The following GPR83 variants were observed in gnomAD, a reference collection of about 807,000 sequenced individuals.
The protein encoded by GPR83 is G-protein coupled receptor 72.
GPR83 carries 23 observed loss-of-function variants against 28.0 expected under a neutral mutation model. That is an observed-to-expected ratio of 0.82 (90% CI 0.59 to 1.16). The LOEUF (loss-of-function observed/expected upper bound fraction) is 1.16, where lower values mean the gene tolerates loss of function less well. Among genes scored for constraint, GPR83 ranks in the 50% most tolerant of loss-of-function variants. GPR83 has a pLI of 0.00. For synonymous variants in GPR83, 234 were observed against 215.4 expected (o/e 1.09, Z -0.76); for missense variants, 610 against 536.6 (o/e 1.14, Z -1.35).
Position 94,380,668 on chromosome 11 carries a change from G to A in GPR83, c.753C>T (p.Pro251=), listed in dbSNP as rs778853958. The A allele has an allele frequency of 1.2e-6, 2 of 1,613,960 alleles. No homozygotes were observed. Among genetic ancestry groups the A allele is most frequent in the South Asian group, 2.2e-5 (2 of 91,050 alleles). Residue 251 remains proline (P), a synonymous_variant, in exon 4 of 4, where the codon CCC becomes CCT. Transcript: ENST00000243673. ...LATFILLYIL[P]LLIISVAYAR... is the part of the protein sequence containing the mutation. Reference sequence around the variant, plus strand: ...CGTAGGCCACAGAGATGATGAGGAGGGGCAGGATGTAGAGCAGGATGAAGG... The same window carrying A: ...CGTAGGCCACAGAGATGATGAGGAGAGGCAGGATGTAGAGCAGGATGAAGG...
Position 94,401,321 on chromosome 11 carries a change from C to A in GPR83, c.-74G>T, listed in dbSNP as rs1944910446. ...TCCCGCTGGGATCGGAGCGCGCAGC[C>A]GGGGTGCGGGGCGCACAGCATACAA... On this transcript the variant is annotated 5_prime_UTR_variant, in exon 1 of 4. Transcript: ENST00000243673. 4 of 1,416,978 alleles carry A rather than the reference C, an allele frequency of 2.8e-6. No individual in the cohort carries two copies. The highest frequency in any genetic ancestry group is 2.8e-5 in the South Asian group (2 of 71,292). 87.8% of individuals were successfully genotyped at this position (1,416,978 alleles called of 1,614,324 possible).
At chr11:94,392,258 G>T (rs1405932077) in intron 3 of GPR83, among the ~76,000 whole-genome samples, 1 of 151,974 alleles carries the variant, frequency 6.6e-6, no homozygotes, top group Non-Finnish European at 1.5e-5. Flanking sequence ...TCACTCATAA[G>T]TGAGAGTTTA....
At chr11:94,382,843 T>C (rs944221545) in intron 3 of GPR83, among the ~76,000 whole-genome samples, 8 of 152,066 alleles carry the variant, frequency 5.3e-5, no homozygotes, top group African/African-American at 1.9e-4. Context: ...CAGAGCACAG[T>C]GCAATCAAAC....
At chr11:94,388,675 G>A (rs534778508) in intron 3 of GPR83, among the ~76,000 whole-genome samples, 1 of 152,120 alleles carries the variant, frequency 6.6e-6, no homozygotes, top group Admixed American at 6.6e-5. Context: ...AATAAAAGAG[G>A]ATACAAACAA....
In GPR83 at chr11:94,381,306, G is replaced by A. The variant is rs896984487; in HGVS notation, c.648-533C>T. On this transcript the variant is annotated intron_variant, in intron 3 of 3. Coordinates refer to ENST00000243673, the MANE Select transcript of GPR83 (RefSeq NM_016540.4). ...TCAGCCTTTTTAGGAATATCCATGT[G>A]GCTTGGTGCTCTAGTTCTATGTCCT... 2.0e-5 allele frequency among the ~76,000 whole-genome samples: 3 copies of A among 151,984 alleles called. No individual in the cohort carries two copies. In the East Asian group the frequency reaches 5.8e-4, roughly 29 times the overall value.
intron 3 of GPR83, among the ~76,000 whole-genome samples, chr11:94,391,516 C>T (rs1448169154): frequency 6.6e-6 from 1 of 152,106 alleles, no homozygotes; most frequent in African/African-American, 2.4e-5. Context: ...AAGAAACTAG[C>T]AATCAGAGTG....
At chr11:94,396,049 A>C (rs1944862657) in intron 2 of GPR83, among the ~76,000 whole-genome samples, 1 of 152,082 alleles carries the variant, frequency 6.6e-6, no homozygotes. Flanking sequence ...GCAAAACCCT[A>C]TCTCTACTAA....
intron 3 of GPR83, among the ~76,000 whole-genome samples, chr11:94,389,159 A>C (rs890786380): frequency 5.3e-5 from 8 of 152,218 alleles, no homozygotes; most frequent in Non-Finnish European, 7.3e-5. Context: ...CTTACACCTT[A>C]CACAAAAATT....
Position 94,381,373 on chromosome 11 carries a change from T to C in GPR83, c.648-600A>G, listed in dbSNP as rs190971556. Among the ~76,000 whole-genome samples, 41 of 152,148 alleles carry C rather than the reference T, an allele frequency of 2.7e-4. No individual in the cohort carries two copies. The East Asian group carries it at 7.6e-3, about 28-fold the overall frequency. ...AAAAGAGAGAGGAAACTTCCTTTGCTTTTTTTAGGGGGGAAAAAAAGTCCT... is the reference window on the plus strand; with the variant it reads ...AAAAGAGAGAGGAAACTTCCTTTGCCTTTTTTAGGGGGGAAAAAAAGTCCT... On this transcript the variant is annotated intron_variant, in intron 3 of 3. Transcript: ENST00000243673.
At chr11:94,384,952 G>C (rs895873399) in intron 3 of GPR83, among the ~76,000 whole-genome samples, 5 of 152,198 alleles carry the variant, frequency 3.3e-5, no homozygotes, top group Non-Finnish European at 7.3e-5. Flanking sequence ...ACCCCCAGGA[G>C]GGGCAGACTG....
intron 3 of GPR83, among the ~76,000 whole-genome samples, chr11:94,388,957 T>C (rs1944786771): frequency 1.3e-5 from 2 of 152,166 alleles, no homozygotes; most frequent in Admixed American, 1.3e-4. Flanking sequence ...AACAGCATGG[T>C]ACTGGTACCA....
Position 94,396,543 on chromosome 11 carries a change from A to G in GPR83, c.388-19T>C. 1 of 1,611,368 alleles carries G rather than the reference A, an allele frequency of 6.2e-7. No homozygotes were observed. The highest frequency in any genetic ancestry group is 8.5e-7 in the Non-Finnish European group (1 of 1,177,718). The stretch of plus-strand genomic sequence containing the variant: ...AGCGAACCTGGAGATGAGCCCAAAG[A>G]TGTTAGGAGACAGACAGGCCTTGAC... On this transcript the variant is annotated intron_variant, in intron 1 of 3. Transcript: ENST00000243673.
At chr11:94,392,024 A>T (rs1475856004) in intron 3 of GPR83, among the ~76,000 whole-genome samples, 1 of 152,108 alleles carries the variant, frequency 6.6e-6, no homozygotes, top group Non-Finnish European at 1.5e-5. Flanking sequence ...ACACGCACAC[A>T]TATGTTTATT....
intron 3 of GPR83, among the ~76,000 whole-genome samples, chr11:94,392,982 T>G (rs2134693331): frequency 6.6e-6 from 1 of 151,986 alleles, no homozygotes; most frequent in East Asian, 1.9e-4. Flanking sequence ...GGAGATCACC[T>G]AATGAACCAG....
chr11:94,380,159 G>T lies in GPR83; in HGVS notation c.1262C>A (p.Thr421Lys), dbSNP rs144674806. The change falls in exon 4 of 4, where the codon ACG becomes AAG. Residue 421 changes from threonine to lysine, a missense_variant. Coordinates refer to ENST00000243673, the MANE Select transcript of GPR83 (RefSeq NM_016540.4). ...TDLSSVEPIV[T>K]MS ...TCTTCCCAACCTCTTCTAACTCATCGTCACAATGGGTTCCACAGATGACAG... is the reference window on the plus strand; with the variant it reads ...TCTTCCCAACCTCTTCTAACTCATCTTCACAATGGGTTCCACAGATGACAG... 1.3e-6 allele frequency: 2 copies of T among 1,511,480 alleles called. No individual in the cohort carries two copies. Among genetic ancestry groups the T allele is most frequent in the South Asian group, 2.7e-5 (2 of 73,366 alleles). The allele number at this position is 1,511,480 out of a possible 1,614,324, so 93.6% of individuals were successfully genotyped here. A position where few individuals can be genotyped will look rare whatever the true frequency, so the allele number is the denominator to read the frequency against.
intron 2 of GPR83, among the ~76,000 whole-genome samples, chr11:94,394,260 C>T (rs528562985): frequency 1.0e-3 from 157 of 152,202 alleles, no homozygotes; most frequent in African/African-American, 3.5e-3. Flanking sequence ...CAGGAAGAGG[C>T]CATTCTCATC....
chr11:94,382,256 G>C (rs964162336), intron 3 of GPR83, among the ~76,000 whole-genome samples: 1 of 150,222 alleles, frequency 6.7e-6, no homozygotes, highest in Admixed American at 6.7e-5. Flanking sequence ...GGAGGCTGAG[G>C]CAGGAGAACC....
Position 94,382,531 on chromosome 11 carries a change from A to G in GPR83, c.648-1758T>C, listed in dbSNP as rs540812732. Among the ~76,000 whole-genome samples, 6 of 152,252 alleles carry G rather than the reference A, an allele frequency of 3.9e-5. No homozygotes were observed. The South Asian group carries it at 1.2e-3, about 32-fold the overall frequency. ...AATACAGGAGCACCCAGATTCATAA[A>G]GTAAGTTCTCAGAGACCTACAAAGA... On this transcript the variant is annotated intron_variant, in intron 3 of 3. Coordinates refer to ENST00000243673, the MANE Select transcript of GPR83 (RefSeq NM_016540.4).
At chr11:94,392,682 T>C (rs1467563878) in intron 3 of GPR83, among the ~76,000 whole-genome samples, 2 of 151,994 alleles carry the variant, frequency 1.3e-5, no homozygotes, top group Non-Finnish European at 2.9e-5. Flanking sequence ...AAAAATTAGC[T>C]AGGCATGATG....
Sources: gnomAD v4.1 joint callset for allele counts (sites outside exome capture counted in the v4.1 genomes callset) on GRCh38, gnomAD v4.1.1 for gene constraint, MANE v1.5 for transcripts, NCBI Gene and HGNC (gene_info 2026-07-23, HGNC 2026-07-21) for gene names.